Variants in STK39 observed in about 807,000 individuals in gnomAD.
STK39 encodes the protein STE20/SPS1-related proline-alanine-rich protein kinase.
Under a neutral mutation model 77.8 loss-of-function variants are expected in STK39, and 20 were observed. The observed-to-expected ratio is 0.26, with a 90% CI of 0.18 to 0.37. STK39 has a LOEUF of 0.37. Ranked by LOEUF, STK39 falls within the 10% of genes least tolerant of loss-of-function variation. The pLI is 1.00. For missense variants in STK39, 479 were observed against 656.5 expected, an observed-to-expected ratio of 0.73 and a Z score of 2.95; for synonymous variants, 246 against 234.1, an observed-to-expected ratio of 1.05 and a Z score of -0.47.
At chr2:168,189,703 T>C (rs1401756118) in intron 1 of STK39, among the ~76,000 whole-genome samples, 1 of 152,194 alleles carries the variant, frequency 6.6e-6, no homozygotes, top group African/African-American at 2.4e-5. Context: ...TGAAACACAA[T>C]AGATTTTTTT....
intron 14 of STK39, among the ~76,000 whole-genome samples, chr2:168,023,437 C>T (rs1373370530): frequency 1.3e-5 from 2 of 152,126 alleles, no homozygotes; most frequent in Non-Finnish European, 2.9e-5. Context: ...ACACCCATCC[C>T]TTCCCAGTGG....
chr2:168,187,857 C>T (rs1411419187), intron 1 of STK39, among the ~76,000 whole-genome samples: 1 of 152,096 alleles, frequency 6.6e-6, no homozygotes, highest in Non-Finnish European at 1.5e-5. Context: ...GTCCAGTAAC[C>T]CCTTCCCATA....
chr2:168,073,934 G>A (rs1686009029), intron 12 of STK39, among the ~76,000 whole-genome samples: 1 of 152,144 alleles, frequency 6.6e-6, no homozygotes, highest in South Asian at 2.1e-4. Flanking sequence ...TATATTTTAT[G>A]TATGAAATTG....
intron 2 of STK39, among the ~76,000 whole-genome samples, chr2:168,175,495 A>G (rs1035610217): frequency 4.6e-5 from 7 of 152,224 alleles, no homozygotes; most frequent in Admixed American, 2.0e-4. Flanking sequence ...TTAAAAGTAA[A>G]TTCAATTAGT....
intron 14 of STK39, among the ~76,000 whole-genome samples, chr2:168,046,882 A>C (rs1685257447): frequency 6.6e-6 from 1 of 152,274 alleles, no homozygotes; most frequent in African/African-American, 2.4e-5. Flanking sequence ...CTAATGCCAA[A>C]GATGCCATTA....
chr2:168,137,992 C>G, intron 8 of STK39, 96 bp downstream of exon 8: 2 of 1,470,034 alleles, frequency 1.4e-6, no homozygotes, highest in East Asian at 2.3e-5. Flanking sequence ...CAAGAAATAC[C>G]TTTCCAGTGT....
At chr2:168,228,151 A>T (rs752390472) in intron 1 of STK39, among the ~76,000 whole-genome samples, 1 of 152,210 alleles carries the variant, frequency 6.6e-6, no homozygotes, top group East Asian at 1.9e-4. Context: ...AATACACTTA[A>T]CACACTTTGC....
chr2:168,034,159 C>A (rs1448071708), intron 14 of STK39, among the ~76,000 whole-genome samples: 1 of 152,198 alleles, frequency 6.6e-6, no homozygotes. Context: ...CAGGCCCCTG[C>A]ATGTCCTCAA....
chr2:168,153,558 C>T (rs1181843533), intron 5 of STK39, among the ~76,000 whole-genome samples: 1 of 151,026 alleles, frequency 6.6e-6, no homozygotes, highest in East Asian at 1.9e-4. Flanking sequence ...AGGAGCACAC[C>T]TTGAGAGAGC....
chr2:168,176,082 A>T (rs1688949662), intron 2 of STK39, among the ~76,000 whole-genome samples: 1 of 152,228 alleles, frequency 6.6e-6, no homozygotes, highest in Non-Finnish European at 1.5e-5. Flanking sequence ...TAATGTACTA[A>T]TTAGAAAATT....
intron 14 of STK39, among the ~76,000 whole-genome samples, chr2:168,050,130 C>T (rs1341321604): frequency 6.6e-6 from 1 of 152,114 alleles, no homozygotes. Flanking sequence ...TAACATTTGG[C>T]ATACACTGGG....
chr2:168,209,996 CA>C (rs71003026), intron 1 of STK39, among the ~76,000 whole-genome samples: 4,809 of 55,574 alleles, frequency 0.087, 72 homozygotes, highest in Non-Finnish European at 0.14. Flanking sequence ...GACTCTATCT[CA>C]AAAAAAAAAA....
At chr2:168,011,618 G>A (rs116480679) in intron 16 of STK39, among the ~76,000 whole-genome samples, 2,107 of 152,248 alleles carry the variant, frequency 0.014, 52 homozygotes, top group African/African-American at 0.048. Context: ...AGATGGCTAT[G>A]TCTGCCTCTT....
chr2:168,106,391 ATTG>A (rs1215265890), intron 10 of STK39, among the ~76,000 whole-genome samples: 1 of 152,164 alleles, frequency 6.6e-6, no homozygotes, highest in African/African-American at 2.4e-5. Context: ...CTTAATAATT[ATTG>A]TTATTACTTG....
rs1051969634 is a variant in STK39, at chr2:167,976,866, C to CAT, written c.1499-12141_1499-12140insAT. ...CTGTGTGGCATGGCCAGCCTCATGTCAATCAAACTATTTTTTTTTACTGCA... is the reference window on the plus strand; with the variant it reads ...CTGTGTGGCATGGCCAGCCTCATGTCATAATCAAACTATTTTTTTTTACTGCA... On this transcript the variant is annotated intron_variant, in intron 16 of 17. Coordinates refer to ENST00000355999, the MANE Select transcript of STK39 (RefSeq NM_013233.3). Among the ~76,000 whole-genome samples, 40 of 152,274 alleles carry CAT rather than the reference C, an allele frequency of 2.6e-4. 1 individual carries two copies. Among genetic ancestry groups the CAT allele is most frequent in the Middle Eastern group, 3.4e-3 (1 of 294 alleles).
intron 1 of STK39, among the ~76,000 whole-genome samples, chr2:168,239,199 A>G (rs926013667): frequency 6.6e-6 from 1 of 152,202 alleles, no homozygotes; most frequent in Non-Finnish European, 1.5e-5. Flanking sequence ...ACACAGGAAG[A>G]GGCTCCACAG....
intron 5 of STK39, among the ~76,000 whole-genome samples, chr2:168,142,544 T>C (rs1365978523): frequency 1.3e-5 from 2 of 152,194 alleles, no homozygotes; most frequent in Non-Finnish European, 2.9e-5. Context: ...TAAAAATCCA[T>C]AGTTAACATT....
intron 10 of STK39, among the ~76,000 whole-genome samples, chr2:168,091,735 T>A (rs147210933): frequency 4.6e-5 from 7 of 152,284 alleles, no homozygotes; most frequent in African/African-American, 1.4e-4. Flanking sequence ...GAAAATAGGA[T>A]AACAAACCTC....
intron 1 of STK39, among the ~76,000 whole-genome samples, chr2:168,191,026 G>A (rs920246762): frequency 6.6e-6 from 1 of 152,210 alleles, no homozygotes; most frequent in Non-Finnish European, 1.5e-5. Flanking sequence ...TATGTATGCT[G>A]TGGTGGTGGC....
Sources: allele counts gnomAD v4.1 joint callset (sites outside exome capture counted in the v4.1 genomes callset), GRCh38; gene constraint gnomAD v4.1.1; transcripts MANE v1.5; gene names NCBI Gene and HGNC (gene_info 2026-07-23, HGNC 2026-07-21).